LINGO2: variants seen among roughly 807,000 people sequenced by gnomAD.
The protein encoded by LINGO2 is leucine rich repeat and Ig domain containing 2, also known as leucine-rich repeat and immunoglobulin-like domain-containing nogo receptor-interacting protein 2.
LINGO2 carries 14 observed loss-of-function variants against 30.6 expected under a neutral mutation model. The ratio of observed to expected loss-of-function variants is 0.46; its 90% confidence interval spans 0.30 to 0.72. The LOEUF is 0.72. Among genes scored for constraint, LINGO2 ranks in the 30% least tolerant of loss-of-function variants. LINGO2 has a pLI of 0.07. For missense variants in LINGO2, 729 were observed against 751.7 expected, an observed-to-expected ratio of 0.97 and a Z score of 0.35; for synonymous variants, 317 against 288.5, an observed-to-expected ratio of 1.10 and a Z score of -1.00.
At chr9:28,746,018 C>A in the LINGO2 span, among the ~76,000 whole-genome samples, 1 of 151,794 alleles carries the variant, frequency 6.6e-6, no homozygotes, top group Non-Finnish European at 1.5e-5. Flanking sequence ...TCAAAGGAAC[C>A]AACACAGAAA....
chr9:28,216,993 C>A (rs1044040774), intron 4 of LINGO2, among the ~76,000 whole-genome samples: 1 of 151,742 alleles, frequency 6.6e-6, no homozygotes, highest in Admixed American at 6.6e-5. Context: ...GCATAAAAAA[C>A]TGTAATGCCC....
At chr9:28,035,915 CAT>C (rs1491030894) in intron 4 of LINGO2, among the ~76,000 whole-genome samples, 1,673 of 150,778 alleles carry the variant, frequency 0.011, 34 homozygotes, top group African/African-American at 0.039. Flanking sequence ...CACACACACA[CAT>C]GCGCTAATAT....
At chr9:28,927,335 A>G in the LINGO2 span, among the ~76,000 whole-genome samples, 1 of 152,236 alleles carries the variant, frequency 6.6e-6, no homozygotes, top group Non-Finnish European at 1.5e-5. Flanking sequence ...CAGATTAGAC[A>G]AGAGCATCAG....
chr9:28,006,890 C>T (rs913101810), intron 5 of LINGO2, among the ~76,000 whole-genome samples: 5 of 151,528 alleles, frequency 3.3e-5, no homozygotes, highest in Non-Finnish European at 7.4e-5. Flanking sequence ...GTGTAGAGAG[C>T]AGCTAATCCA....
At chr9:28,884,958 ATTT>A in the LINGO2 span, among the ~76,000 whole-genome samples, 56 of 19,744 alleles carry the variant, frequency 2.8e-3, 1 homozygote, top group African/African-American at 7.7e-3. Context: ...AATATATAAT[ATTT>A]TATATATATA....
chr9:28,862,024 T>C, the LINGO2 span, among the ~76,000 whole-genome samples: 1 of 152,104 alleles, frequency 6.6e-6, no homozygotes, highest in Admixed American at 6.6e-5. Flanking sequence ...GTTCTACATA[T>C]TATCATTAAA....
intron 2 of LINGO2, among the ~76,000 whole-genome samples, chr9:28,444,691 G>A (rs774140211): frequency 1.5e-4 from 23 of 151,996 alleles, no homozygotes; most frequent in Non-Finnish European, 2.9e-4. Flanking sequence ...GAAGTTTCTT[G>A]TGGTATGTCT....
intron 1 of LINGO2, among the ~76,000 whole-genome samples, chr9:28,633,941 C>T (rs947240982): frequency 2.6e-5 from 4 of 152,112 alleles, no homozygotes; most frequent in Admixed American, 2.0e-4. Flanking sequence ...TATTTTAAGC[C>T]GCTATTACTC....
At chr9:29,068,328 T>C in the LINGO2 span, among the ~76,000 whole-genome samples, 1 of 151,868 alleles carries the variant, frequency 6.6e-6, no homozygotes, top group Non-Finnish European at 1.5e-5. Context: ...GAGATAGATG[T>C]CCACCGCATA....
intron 1 of LINGO2, among the ~76,000 whole-genome samples, chr9:28,526,456 G>A (rs1030535981): frequency 6.6e-6 from 1 of 152,090 alleles, no homozygotes; most frequent in African/African-American, 2.4e-5. Flanking sequence ...AGCCTTTCTG[G>A]CACTTCTGAA....
chr9:27,954,310 G>GACAGT (rs1363664129), intron 5 of LINGO2, among the ~76,000 whole-genome samples: 3 of 152,060 alleles, frequency 2.0e-5, no homozygotes, highest in Non-Finnish European at 4.4e-5. Context: ...CTGTACGTTG[G>GACAGT]TATCCATTAA....
chr9:28,696,468 G>C, the LINGO2 span, among the ~76,000 whole-genome samples: 1 of 151,840 alleles, frequency 6.6e-6, no homozygotes, highest in African/African-American at 2.4e-5. Flanking sequence ...TAAATTAAGA[G>C]TCTCCAATAG....
intron 1 of LINGO2, among the ~76,000 whole-genome samples, chr9:28,589,510 GACAA>G (rs1189708103): frequency 6.6e-6 from 1 of 151,958 alleles, no homozygotes; most frequent in Non-Finnish European, 1.5e-5. Context: ...ACCAATAACA[GACAA>G]ACAGAGAGCC....
At chr9:28,183,093 G>T (rs983656898) in intron 4 of LINGO2, among the ~76,000 whole-genome samples, 8 of 152,126 alleles carry the variant, frequency 5.3e-5, no homozygotes, top group Admixed American at 4.6e-4. Flanking sequence ...TAAAGAAAAT[G>T]TACATACACA....
chr9:28,665,493 G>T (rs555544869), intron 1 of LINGO2, among the ~76,000 whole-genome samples: 2 of 152,106 alleles, frequency 1.3e-5, no homozygotes, highest in African/African-American at 4.8e-5. Context: ...TATTTGGAGT[G>T]GTGAGACTGA....
chr9:28,775,923 C>T, the LINGO2 span, among the ~76,000 whole-genome samples: 1 of 152,126 alleles, frequency 6.6e-6, no homozygotes, highest in Non-Finnish European at 1.5e-5. Flanking sequence ...CATCATATAT[C>T]TTCTCCTTTG....
chr9:28,214,109 T>C (rs965460896), intron 4 of LINGO2, among the ~76,000 whole-genome samples: 11 of 151,576 alleles, frequency 7.3e-5, no homozygotes, highest in Non-Finnish European at 1.2e-4. Flanking sequence ...AATTTTAATA[T>C]TGGAGTAGAG....
At chr9:28,122,975 T>C in intron 4 of LINGO2, among the ~76,000 whole-genome samples, 1 of 152,364 alleles carries the variant, frequency 6.6e-6, no homozygotes, top group Admixed American at 6.5e-5. Context: ...AAATTGTCTC[T>C]TTTCTATTTC....
the LINGO2 span, among the ~76,000 whole-genome samples, chr9:28,957,532 T>C: frequency 6.6e-6 from 1 of 152,170 alleles, no homozygotes; most frequent in Non-Finnish European, 1.5e-5. Flanking sequence ...TTATTGTCTA[T>C]CTCTTAAAGG....
Sources: gnomAD v4.1 joint callset for allele counts (sites outside exome capture counted in the v4.1 genomes callset) on GRCh38, gnomAD v4.1.1 for gene constraint, MANE v1.5 for transcripts, NCBI Gene and HGNC (gene_info 2026-07-23, HGNC 2026-07-21) for gene names.